Variants in CHD9 observed in about 807,000 individuals in gnomAD.
CHD9 encodes the protein ATP-dependent chromatin remodeler CHD9.
Under a neutral mutation model 316.1 loss-of-function variants are expected in CHD9, and 77 were observed. That is an observed-to-expected ratio of 0.24 (90% CI 0.20 to 0.29). The LOEUF (loss-of-function observed/expected upper bound fraction) is 0.29, where lower values mean the gene tolerates loss of function less well. Among genes scored for constraint, CHD9 ranks in the 10% least tolerant of loss-of-function variants. The pLI, the probability that CHD9 is intolerant of heterozygous loss-of-function variation, is 1.00. For synonymous variants in CHD9, 1,129 were observed against 1,158.3 expected (o/e 0.97, Z 0.51); for missense variants, 2,763 against 3,438.1 (o/e 0.80, Z 4.91).
chr16:53,304,447 A>T lies in CHD9; in HGVS notation c.6441A>T (p.Ser2147=), dbSNP rs773981389. The T allele has an allele frequency of 6.3e-7, 1 of 1,583,048 alleles. No homozygotes were observed. The highest frequency in any genetic ancestry group is 1.2e-5 in the South Asian group (1 of 86,498). ...AGAGATCATCTTGTTCTTCCAGATC[A>T]TCTTCTTCCTCATCATCCTCTTCTT... is the stretch of plus-strand genomic sequence containing the variant. ...DSERSSCSSR[S]SSSSSSSSCS... is the part of the protein sequence containing the mutation. The change falls in exon 31 of 39, where the codon TCA becomes TCT. Residue 2147 remains serine, a synonymous_variant. Coordinates refer to ENST00000447540, the MANE Select transcript of CHD9 (RefSeq NM_001308319.2).
chr16:53,259,183 A>C (rs557538992), intron 19 of CHD9, among the ~76,000 whole-genome samples: 48 of 152,310 alleles, frequency 3.2e-4, no homozygotes, highest in African/African-American at 1.1e-3. Context: ...CATGTAAGCT[A>C]TCTTGTAAAT....
At chr16:53,097,554 C>T (rs1407096093) in intron 1 of CHD9, among the ~76,000 whole-genome samples, 2 of 152,128 alleles carry the variant, frequency 1.3e-5, no homozygotes, top group South Asian at 2.1e-4. Context: ...CATGAGCCAC[C>T]GTACCTGGTC....
chr16:53,133,584 T>A (rs962235143), intron 1 of CHD9, among the ~76,000 whole-genome samples: 2 of 152,212 alleles, frequency 1.3e-5, no homozygotes, highest in Non-Finnish European at 2.9e-5. Flanking sequence ...CTTAGTTTCC[T>A]CCTGTGTAAA....
In CHD9 at chr16:53,303,823, T is replaced by C. The variant is rs754454013; in HGVS notation, c.5817T>C (p.Leu1939=). Residue 1939 remains leucine, a synonymous_variant, in exon 31 of 39, where the codon CTT becomes CTC. Coordinates refer to ENST00000447540, the MANE Select transcript of CHD9 (RefSeq NM_001308319.2). ...ELLRKVREQA[L]RHPQLFERLK... ...TAAGGAAAGTACGGGAACAGGCCCT[T>C]CGACATCCACAGTTGTTTGAACGCT... The C allele has an allele frequency of 3.7e-6, 6 of 1,614,056 alleles. No individual in the cohort carries two copies. The highest frequency in any genetic ancestry group is 8.5e-7 in the Non-Finnish European group (1 of 1,179,902).
intron 1 of CHD9, among the ~76,000 whole-genome samples, chr16:53,074,538 A>C (rs777585114): frequency 6.6e-6 from 1 of 152,248 alleles, no homozygotes; most frequent in African/African-American, 2.4e-5. Context: ...GGTTTTGTGG[A>C]TAGGCCCCAG....
chr16:53,299,615 T>C, intron 30 of CHD9: 2 of 400,828 alleles, frequency 5.0e-6, no homozygotes, highest in Non-Finnish European at 9.6e-6. Flanking sequence ...TTGAAAACAA[T>C]GTGTCAAAAT....
rs1177512719 is a variant in CHD9, at chr16:53,170,742, T to C, written c.1452+13201T>C. ...GTATTTTATTTAAGTTAAACTGATA[T>C]TGAGCGAAGGGATTTGTGTTTTTTT... On this transcript the variant is annotated intron_variant, in intron 2 of 38. Transcript: ENST00000447540. Among the ~76,000 whole-genome samples the C allele has an allele frequency of 3.3e-5, 5 of 152,116 alleles. No individual in the cohort carries two copies. In the South Asian group the frequency reaches 1.0e-3, roughly 32 times the overall value.
intron 1 of CHD9, among the ~76,000 whole-genome samples, chr16:53,055,488 A>T (rs984639607): frequency 8.6e-6 from 1 of 115,734 alleles, no homozygotes; most frequent in Non-Finnish European, 1.9e-5. Context: ...CCCTAGTTCC[A>T]CCCCCGCCCC....
chr16:53,183,216 C>G (rs779567818), intron 2 of CHD9, among the ~76,000 whole-genome samples: 2 of 152,130 alleles, frequency 1.3e-5, no homozygotes, highest in African/African-American at 4.8e-5. Context: ...CTAGGTTTAA[C>G]AAATGTCGTA....
intron 1 of CHD9, among the ~76,000 whole-genome samples, chr16:53,111,297 A>G (rs1185763000): frequency 7.2e-5 from 11 of 152,166 alleles, no homozygotes; most frequent in African/African-American, 2.7e-4. Context: ...GGGGAATCCC[A>G]GGGCTTGCAG....
chr16:53,115,721 G>A (rs1243164528), intron 1 of CHD9, among the ~76,000 whole-genome samples: 1 of 152,194 alleles, frequency 6.6e-6, no homozygotes, highest in Non-Finnish European at 1.5e-5. Context: ...GTTTTTCGAG[G>A]AACAAGACAG....
At chr16:53,248,507 T>TTTG (rs2049845612) in intron 16 of CHD9, among the ~76,000 whole-genome samples, 1 of 147,552 alleles carries the variant, frequency 6.8e-6, no homozygotes, top group African/African-American at 2.5e-5. Flanking sequence ...TTGTTTTTGC[T>TTTG]TTGTTGGTTT....
At chr16:53,296,336 C>T (rs2054784716) in intron 29 of CHD9, among the ~76,000 whole-genome samples, 1 of 151,822 alleles carries the variant, frequency 6.6e-6, no homozygotes, top group South Asian at 2.1e-4. Flanking sequence ...ATACAAAACA[C>T]CATTATTGTC....
intron 28 of CHD9, 30 bp from the exon 29 acceptor site, chr16:53,292,803 T>C (rs749853432): frequency 3.9e-6 from 6 of 1,550,332 alleles, no homozygotes; most frequent in Non-Finnish European, 5.3e-6. Flanking sequence ...ATCTGTTTAG[T>C]TATTATTACT....
chr16:53,192,675 CA>C (rs1417060943), intron 2 of CHD9, among the ~76,000 whole-genome samples: 5 of 152,120 alleles, frequency 3.3e-5, no homozygotes, highest in Non-Finnish European at 7.4e-5. Context: ...CCCTGGCAAC[CA>C]ATGATTAATT....
In CHD9 at chr16:53,209,719, G is replaced by A; in HGVS notation, c.1690G>A (p.Glu564Lys). Residue 564 changes from glutamate (E) to lysine (K), a missense_variant, in exon 3 of 39, where the codon GAA (glutamate) becomes AAA (lysine). Glu to Lys is a moderately conservative substitution (Grantham distance 56). Coordinates refer to ENST00000447540, the MANE Select transcript of CHD9 (RefSeq NM_001308319.2). Reference sequence around the variant, plus strand: ...TACTGCTTCAGTTGAAGGAAAAGAGGAAAAGAAAGGTAGAAGGATGAAATC... The same window carrying A: ...TACTGCTTCAGTTGAAGGAAAAGAGAAAAAGAAAGGTAGAAGGATGAAATC... ...FPTASVEGKE[E>K]KKGRRMKSKP... The A allele has an allele frequency of 1.2e-6, 2 of 1,613,670 alleles. No individual in the cohort carries two copies. Among genetic ancestry groups the A allele is most frequent in the Non-Finnish European group, 1.7e-6 (2 of 1,179,724 alleles).
In CHD9 at chr16:53,267,908, C is replaced by T. The variant is rs759283416; in HGVS notation, c.4518-19C>T. On this transcript the variant is annotated intron_variant, in intron 21 of 38. Transcript: ENST00000447540. ...AGAACTTGACTCAATATCAATGTAACTATACCTTTTTTAACCAGGTGGGGC... is the reference window on the plus strand; with the variant it reads ...AGAACTTGACTCAATATCAATGTAATTATACCTTTTTTAACCAGGTGGGGC... The T allele has an allele frequency of 1.9e-6, 3 of 1,606,028 alleles. No homozygotes were observed. The highest frequency in any genetic ancestry group is 2.6e-6 in the Non-Finnish European group (3 of 1,173,104).
chr16:53,254,738 A>G, intron 18 of CHD9, 133 bp downstream of exon 18: 3 of 659,462 alleles, frequency 4.5e-6, no homozygotes, highest in Non-Finnish European at 7.3e-6. Context: ...GAACATTTTC[A>G]GGACAGAGCT....
At chr16:53,146,975 C>T (rs1253934279) in intron 1 of CHD9, among the ~76,000 whole-genome samples, 3 of 151,774 alleles carry the variant, frequency 2.0e-5, no homozygotes, top group Admixed American at 1.3e-4. Context: ...TTCCCTCTCC[C>T]CCACCAAAAA....
Sources: gnomAD v4.1 joint callset for allele counts (sites outside exome capture counted in the v4.1 genomes callset) on GRCh38, gnomAD v4.1.1 for gene constraint, MANE v1.5 for transcripts, NCBI Gene and HGNC (gene_info 2026-07-23, HGNC 2026-07-21) for gene names.